FAM83F: variants seen among roughly 807,000 people sequenced by gnomAD.
FAM83F encodes the protein protein FAM83F.
FAM83F carries 45 observed loss-of-function variants against 42.9 expected under a neutral mutation model. The observed-to-expected ratio is 1.05, with a 90% CI of 0.83 to 1.35. The LOEUF (loss-of-function observed/expected upper bound fraction) is 1.35, where lower values mean the gene tolerates loss of function less well. Ranked by LOEUF, FAM83F falls within the 40% of genes most tolerant of loss-of-function variation. FAM83F has a pLI of 0.00. For missense variants in FAM83F, 617 were observed against 695.9 expected, an observed-to-expected ratio of 0.89 and a Z score of 1.28; for synonymous variants, 306 against 298.3, an observed-to-expected ratio of 1.03 and a Z score of -0.27.
chr22:40,010,354 A>T (rs1314500520), intron 1 of FAM83F, among the ~76,000 whole-genome samples: 2 of 152,214 alleles, frequency 1.3e-5, no homozygotes, highest in Non-Finnish European at 2.9e-5. Flanking sequence ...GCGGAGCTGA[A>T]TGTCAAAGCA....
chr22:40,003,705 G>A lies in FAM83F; in HGVS notation c.489+8174G>A, dbSNP rs184122054. On this transcript the variant is annotated intron_variant, in intron 1 of 4. Coordinates refer to ENST00000333407, the MANE Select transcript of FAM83F (RefSeq NM_138435.4). ...TTCATTCTCTGAAATCAGAGTCTGT[G>A]GACTTGCTAATGATCCCATAATCTT... Among the ~76,000 whole-genome samples the A allele has an allele frequency of 1.8e-3, 270 of 152,208 alleles. 1 individual carries two copies. Among genetic ancestry groups the A allele is most frequent in the African/African-American group, 6.4e-3 (264 of 41,522 alleles).
At chr22:40,009,794 CGTG>C (rs545933799) in intron 1 of FAM83F, 2 of 152,364 alleles carry the variant, frequency 1.3e-5, no homozygotes, top group South Asian at 4.1e-4. Context: ...TCCAAACACA[CGTG>C]GGGTGCAGGG....
rs1203880589 is a variant in FAM83F, at chr22:40,021,160, G to A, written c.780-130G>A. 9.2e-6 allele frequency: 10 copies of A among 1,081,806 alleles called. No homozygotes were observed. Among genetic ancestry groups the A allele is most frequent in the Admixed American group, 7.5e-5 (3 of 39,792 alleles). 67.0% of individuals were successfully genotyped at this position (1,081,806 alleles called of 1,614,324 possible). A position where few individuals can be genotyped will look rare whatever the true frequency, so the allele number is the denominator to read the frequency against. ...GGTGGGTGGAGGGAATCAGTCCAGC[G>A]TGTGGCCCACAAGGAGCCGTACACC... On this transcript the variant is annotated intron_variant, in intron 3 of 4. Coordinates refer to ENST00000333407, the MANE Select transcript of FAM83F (RefSeq NM_138435.4). This position sits in a 1 kb window ranked among gnomAD's most constrained non-coding sequence, Gnocchi z 8.7.
intron 1 of FAM83F, chr22:39,999,017 T>C (rs1475038627): frequency 6.6e-6 from 1 of 152,190 alleles, no homozygotes; most frequent in African/African-American, 2.4e-5. Context: ...CTTGGAAGGA[T>C]TGTGCATCCG....
At chr22:40,017,616 G>A (rs112085834) in intron 1 of FAM83F, among the ~76,000 whole-genome samples, 4 of 152,318 alleles carry the variant, frequency 2.6e-5, no homozygotes, top group South Asian at 2.1e-4. Flanking sequence ...TCTATTTTGC[G>A]GCCAAAGAAG....
At chr22:40,005,837 G>C (rs1172821525) in intron 1 of FAM83F, among the ~76,000 whole-genome samples, 1 of 152,184 alleles carries the variant, frequency 6.6e-6, no homozygotes, top group East Asian at 1.9e-4. Flanking sequence ...TCTAATTAGT[G>C]AGTCCAAGAC....
At chr22:40,008,232 C>T (rs1263651442) in intron 1 of FAM83F, among the ~76,000 whole-genome samples, 1 of 152,252 alleles carries the variant, frequency 6.6e-6, no homozygotes, top group Non-Finnish European at 1.5e-5. Flanking sequence ...GACATCCCCA[C>T]CTTGATGTCT....
In FAM83F at chr22:40,021,186, T is replaced by C. The variant is rs926260780; in HGVS notation, c.780-104T>C. The C allele has an allele frequency of 2.3e-6, 3 of 1,324,560 alleles. No individual in the cohort carries two copies. The highest frequency in any genetic ancestry group is 3.6e-5 in the South Asian group (2 of 55,468). 82.1% of individuals were successfully genotyped at this position (1,324,560 alleles called of 1,614,324 possible). A position where few individuals can be genotyped will look rare whatever the true frequency, so the allele number is the denominator to read the frequency against. ...TGTGGCCCACAAGGAGCCGTACACC[T>C]GCAGCAAGGGTCTGGCCACAGCGGA... On this transcript the variant is annotated intron_variant, in intron 3 of 4. Transcript: ENST00000333407. This position sits in a 1 kb window ranked among gnomAD's most constrained non-coding sequence, Gnocchi z 8.7.
intron 1 of FAM83F, among the ~76,000 whole-genome samples, chr22:40,007,072 G>A (rs892715825): frequency 5.3e-5 from 8 of 152,046 alleles, no homozygotes; most frequent in Middle Eastern, 3.4e-3. Flanking sequence ...CACAGCCTGC[G>A]TGGAATCTGT....
In FAM83F at chr22:40,033,252, T is replaced by A. The variant is rs1190616773; in HGVS notation, c.*3687T>A. 1 of 151,858 alleles carries A rather than the reference T, an allele frequency of 6.6e-6. No individual in the cohort carries two copies. The highest frequency in any genetic ancestry group is 1.5e-5 in the Non-Finnish European group (1 of 67,934). 9.4% of individuals were successfully genotyped at this position (151,858 alleles called of 1,614,324 possible). A position where few individuals can be genotyped will look rare whatever the true frequency, so the allele number is the denominator to read the frequency against. ...GGCACGCGCCACCACGCCCGGCTAA[T>A]TTTTGTATTTTTAGTAGAGACAGGG... On this transcript the variant is annotated 3_prime_UTR_variant, in exon 5 of 5. Transcript: ENST00000333407.
At chr22:40,004,660 A>G (rs937075298) in intron 1 of FAM83F, among the ~76,000 whole-genome samples, 1 of 151,096 alleles carries the variant, frequency 6.6e-6, no homozygotes, top group Admixed American at 6.6e-5. Context: ...TGGTCTCAAA[A>G]CTCCTGACCT....
rs2067588466 is a variant in FAM83F at position 40,031,651 on chromosome 22, G to A, written c.*2086G>A. The A allele has an allele frequency of 6.6e-6, 1 of 152,254 alleles. No homozygotes were observed. Among genetic ancestry groups the A allele is most frequent in the Non-Finnish European group, 1.5e-5 (1 of 68,050 alleles). The allele number at this position is 152,254 out of a possible 1,614,324, so 9.4% of individuals were successfully genotyped here. A position where few individuals can be genotyped will look rare whatever the true frequency, so the allele number is the denominator to read the frequency against. The stretch of plus-strand genomic sequence containing the variant: ...TGGCGTTTTTCACACTTTCTTGGTA[G>A]AAATGATGGGGAGACCATATGTTAG... On this transcript the variant is annotated 3_prime_UTR_variant, in exon 5 of 5. Transcript: ENST00000333407.
chr22:40,034,190 C>A lies in FAM83F; in HGVS notation c.*4625C>A, dbSNP rs1327174639. The A allele has an allele frequency of 6.6e-6, 1 of 152,258 alleles. No individual in the cohort carries two copies. The allele number at this position is 152,258 out of a possible 1,614,324, so 9.4% of individuals were successfully genotyped here. Reference sequence around the variant, plus strand: ...AAAGCCCCCTTAGCAGCTAATTAGCCCTGCCGTGCGCTAGGGATGCAATTT... The same window carrying A: ...AAAGCCCCCTTAGCAGCTAATTAGCACTGCCGTGCGCTAGGGATGCAATTT... On this transcript the variant is annotated 3_prime_UTR_variant, in exon 5 of 5. Transcript: ENST00000333407.
chr22:40,023,113 G>A lies in FAM83F; in HGVS notation c.1453+1150G>A, dbSNP rs1401070582. On this transcript the variant is annotated intron_variant, in intron 4 of 4. Transcript: ENST00000333407. The surrounding 1 kb of genome is among the most constrained non-coding windows in gnomAD (Gnocchi z 4.1). ...TTGGCCTGGAGACGTTGACTGAGCT[G>A]CTGGCTTGCCAGGTCCTGCACAGGC... Among the ~76,000 whole-genome samples, 2 of 152,214 alleles carry A rather than the reference G, an allele frequency of 1.3e-5. No individual in the cohort carries two copies. Among genetic ancestry groups the A allele is most frequent in the Non-Finnish European group, 2.9e-5 (2 of 68,036 alleles).
rs1448507854 is a variant in FAM83F, at chr22:40,039,563, G to C, written c.*9998G>C. 1 of 152,242 alleles carries C rather than the reference G, an allele frequency of 6.6e-6. No homozygotes were observed. Among genetic ancestry groups the C allele is most frequent in the Non-Finnish European group, 1.5e-5 (1 of 68,044 alleles). The allele number at this position is 152,242 out of a possible 1,614,324, so 9.4% of individuals were successfully genotyped here. A position where few individuals can be genotyped will look rare whatever the true frequency, so the allele number is the denominator to read the frequency against. The stretch of plus-strand genomic sequence containing the variant: ...CGCAGCAAACAAGCTGCAGAATGAA[G>C]GGTGGAGATGGAGAGATAGAATTCT... On this transcript the variant is annotated 3_prime_UTR_variant, in exon 5 of 5. Coordinates refer to ENST00000333407, the MANE Select transcript of FAM83F (RefSeq NM_138435.4).
At position 40,041,446 on chromosome 22, in the gene FAM83F, C is replaced by A. The variant is rs1034714342; in HGVS notation, c.*11881C>A. ...CAGGCACCAAGGCATGCCTGTAAGCCCTACAGGGCAGACGCCCTCACCCCA... is the reference window on the plus strand; with the variant it reads ...CAGGCACCAAGGCATGCCTGTAAGCACTACAGGGCAGACGCCCTCACCCCA... On this transcript the variant is annotated 3_prime_UTR_variant, in exon 5 of 5. Coordinates refer to ENST00000333407, the MANE Select transcript of FAM83F (RefSeq NM_138435.4). 1 of 152,184 alleles carries A rather than the reference C, an allele frequency of 6.6e-6. No individual in the cohort carries two copies. The highest frequency in any genetic ancestry group is 2.4e-5 in the African/African-American group (1 of 41,428). 9.4% of individuals were successfully genotyped at this position (152,184 alleles called of 1,614,324 possible). A position where few individuals can be genotyped will look rare whatever the true frequency, so the allele number is the denominator to read the frequency against.
Position 40,004,289 on chromosome 22 carries a change from T to TTTTATTTTATTTTATTTTATTTTA in FAM83F, c.489+8762_489+8785dup, listed in dbSNP as rs532281365. 8.7e-4 allele frequency among the ~76,000 whole-genome samples: 131 copies of TTTTATTTTATTTTATTTTATTTTA among 149,834 alleles called. No individual in the cohort carries two copies. The East Asian group carries it at 0.022, about 25-fold the overall frequency. On this transcript the variant is annotated intron_variant, in intron 1 of 4. Transcript: ENST00000333407. ...TAGAATTTTATTTTATTTTATTTTA[T>TTTTATTTTATTTTATTTTATTTTA]TTTATTTTATTTTATTTTATTTTAT...
intron 1 of FAM83F, among the ~76,000 whole-genome samples, chr22:40,010,526 C>T (rs1042692714): frequency 6.6e-6 from 1 of 152,220 alleles, no homozygotes; most frequent in African/African-American, 2.4e-5. Context: ...GTCCGACTCG[C>T]GAAAGCCAGG....
intron 2 of FAM83F, 33 bp from the exon 3 acceptor site, chr22:40,019,854 C>A (rs1475899098): frequency 6.3e-7 from 1 of 1,586,798 alleles, no homozygotes; most frequent in South Asian, 1.1e-5. Context: ...CTGGCCCAAC[C>A]CAGGTGACAG....
Sources: gnomAD v4.1 joint callset for allele counts (sites outside exome capture counted in the v4.1 genomes callset) on GRCh38, gnomAD v4.1.1 for gene constraint, Gnocchi (gnomAD v3.1) non-coding constraint, MANE v1.5 for transcripts, NCBI Gene and HGNC (gene_info 2026-07-23, HGNC 2026-07-21) for gene names.